Variants in PLXNA2 observed in about 807,000 individuals in gnomAD.
PLXNA2 encodes the protein plexin A2, also known as plexin-A2.
PLXNA2 carries 91 observed loss-of-function variants against 193.5 expected under a neutral mutation model. The observed-to-expected ratio is 0.47, with a 90% CI of 0.40 to 0.56. The LOEUF (loss-of-function observed/expected upper bound fraction) is 0.56, where lower values mean the gene tolerates loss of function less well. Among genes scored for constraint, PLXNA2 ranks in the 20% least tolerant of loss-of-function variants. PLXNA2 has a pLI of 0.00. For synonymous variants in PLXNA2, 997 were observed against 1,027.3 expected, an observed-to-expected ratio of 0.97 and a Z score of 0.56; for missense variants, 1,995 against 2,503.2, an observed-to-expected ratio of 0.80 and a Z score of 4.33.
chr1:208,085,084 GT>G (rs56180457), intron 9 of PLXNA2, among the ~76,000 whole-genome samples: 2,327 of 144,736 alleles, frequency 0.016, 30 homozygotes, highest in Middle Eastern at 0.025. Context: ...CACTTGCTCT[GT>G]TTTTTTTTTT....
Position 208,039,691 on chromosome 1 carries a change from A to T in PLXNA2, c.4430T>A (p.Ile1477Asn). The change falls in exon 24 of 32, where the codon ATC (isoleucine) becomes AAC (asparagine). Residue 1477 changes from isoleucine to asparagine, a missense_variant. Transcript: ENST00000367033. ...CAGGGAGTAGCGGGCCTCGCCCGTG[A>T]TGGCATCAATGGGGCCCTTCTCCAT... is the stretch of plus-strand genomic sequence containing the variant. The part of the protein sequence containing the change: ...QQMEKGPIDA[I>N]TGEARYSLSE... 6.2e-7 allele frequency: 1 copy of T among 1,614,154 alleles called. No individual in the cohort carries two copies. The highest frequency in any genetic ancestry group is 1.3e-5 in the African/African-American group (1 of 75,024).
Position 208,217,832 on chromosome 1 carries a change from G to C in PLXNA2, c.91C>G (p.Pro31Ala). 2.5e-6 allele frequency: 4 copies of C among 1,614,040 alleles called. No individual in the cohort carries two copies. The highest frequency in any genetic ancestry group is 2.5e-6 in the Non-Finnish European group (3 of 1,180,010). ...CTGAACTGAGGCATGCCGGCTGCTG[G>C]GGGGGCCAGCAGCACCCAGACCACT... ...LSVVWVLLAP[P>A]AAGMPQFSTF... Residue 31 changes from proline (P) to alanine (A), a missense_variant, in exon 2 of 32, where the codon CCA becomes GCA. Physicochemically the swap from Pro to Ala is conservative, Grantham distance 27. Transcript: ENST00000367033. This position sits in a 1 kb window ranked among gnomAD's most constrained non-coding sequence, Gnocchi z 4.7.
chr1:208,237,597 T>C lies in PLXNA2; in HGVS notation c.-81+6046A>G, dbSNP rs138892098. Among the ~76,000 whole-genome samples the C allele has an allele frequency of 3.3e-5, 5 of 152,316 alleles. No individual in the cohort carries two copies. The East Asian group carries it at 9.7e-4, about 29-fold the overall frequency. On this transcript the variant is annotated intron_variant, in intron 1 of 31. Transcript: ENST00000367033. ...GGAAAACTGGGTAGGTACGGGTAGC[T>C]GTGAGAGGCTGGAGACTGCGAGAGC...
At chr1:208,126,723 G>C (rs188934053) in intron 4 of PLXNA2, among the ~76,000 whole-genome samples, 4 of 152,246 alleles carry the variant, frequency 2.6e-5, no homozygotes, top group African/African-American at 9.6e-5. Context: ...ATGCCATCCT[G>C]CCTCCCAACA....
At chr1:208,059,809 T>A (rs1030655242) in intron 13 of PLXNA2, among the ~76,000 whole-genome samples, 1 of 152,160 alleles carries the variant, frequency 6.6e-6, no homozygotes, top group Non-Finnish European at 1.5e-5. Flanking sequence ...AAAGTGCTGA[T>A]GGAAGATAAA....
chr1:208,028,301 G>T lies in PLXNA2; in HGVS notation c.5439-142C>A. On this transcript the variant is annotated intron_variant, in intron 30 of 31. Transcript: ENST00000367033. This position sits in a 1 kb window ranked among gnomAD's most constrained non-coding sequence, Gnocchi z 4.2. ...TTCTCTTCTGATGTGGCTTCCTCTG[G>T]CCTCTTGCTTCATGCTGAGGTTGAG... 1.4e-6 allele frequency: 1 copy of T among 708,082 alleles called. No homozygotes were observed. Among genetic ancestry groups the T allele is most frequent in the Admixed American group, 3.2e-5 (1 of 31,478 alleles). The allele number at this position is 708,082 out of a possible 1,614,324, so 43.9% of individuals were successfully genotyped here.
At position 208,029,020 on chromosome 1, in the gene PLXNA2, T is replaced by G. The variant is rs765423254; in HGVS notation, c.5248A>C (p.Asn1750His). The G allele has an allele frequency of 1.9e-6, 3 of 1,614,022 alleles. No individual in the cohort carries two copies. The highest frequency in any genetic ancestry group is 2.5e-6 in the Non-Finnish European group (3 of 1,180,000). ...ACGAACTGGGGGTTCTTAATCACGT[T>G]CACCCAGAAGCGCAGAGGGAGGCTG... ...SNCLPLRFWVNVIKNPQFVFD... is the reference protein window; with the variant it reads ...SNCLPLRFWVHVIKNPQFVFD... The change falls in exon 30 of 32, where the codon AAC becomes CAC. Residue 1750 changes from asparagine (N) to histidine (H), a missense_variant. Coordinates refer to ENST00000367033, the MANE Select transcript of PLXNA2 (RefSeq NM_025179.4).
intron 1 of PLXNA2, among the ~76,000 whole-genome samples, chr1:208,219,812 G>A (rs375201348): frequency 3.9e-4 from 60 of 152,258 alleles, no homozygotes; most frequent in South Asian, 2.1e-3. Context: ...AGGCAACACC[G>A]GCATGAGACT....
intron 3 of PLXNA2, among the ~76,000 whole-genome samples, chr1:208,177,135 T>C (rs1049137401): frequency 1.3e-5 from 2 of 152,214 alleles, no homozygotes; most frequent in African/African-American, 4.8e-5. Context: ...TCTGTCTTGG[T>C]ACTATTCTAT....
chr1:208,103,434 G>C (rs573331413), intron 4 of PLXNA2, among the ~76,000 whole-genome samples, 187 bp from the exon 5 acceptor site: 1 of 152,370 alleles, frequency 6.6e-6, no homozygotes, highest in East Asian at 1.9e-4. Context: ...GCTAAGCCGA[G>C]TGTGTCTCTG....
intron 12 of PLXNA2, among the ~76,000 whole-genome samples, chr1:208,067,990 C>T (rs1041270508): frequency 6.6e-6 from 1 of 152,120 alleles, no homozygotes; most frequent in Non-Finnish European, 1.5e-5. Flanking sequence ...TCAGGGAGGC[C>T]TCCCTGGACT....
chr1:208,122,595 C>T (rs1197027577), intron 4 of PLXNA2, among the ~76,000 whole-genome samples: 1 of 152,122 alleles, frequency 6.6e-6, no homozygotes, highest in African/African-American at 2.4e-5. Context: ...TTCCATGCCC[C>T]TTTCAGCTTC....
At chr1:208,172,982 T>G (rs1669542937) in intron 3 of PLXNA2, among the ~76,000 whole-genome samples, 1 of 152,210 alleles carries the variant, frequency 6.6e-6, no homozygotes, top group Admixed American at 6.5e-5. Context: ...GTTACTGCCC[T>G]CTAGGCTGGA....
chr1:208,069,708 G>A (rs1453509394), intron 12 of PLXNA2, among the ~76,000 whole-genome samples: 1 of 152,140 alleles, frequency 6.6e-6, no homozygotes, highest in Non-Finnish European at 1.5e-5. Context: ...GGAGCTTGGT[G>A]GGAGCTTCAC....
At chr1:208,034,932 A>T (rs1298822285) in intron 26 of PLXNA2, among the ~76,000 whole-genome samples, 2 of 152,236 alleles carry the variant, frequency 1.3e-5, no homozygotes, top group African/African-American at 4.8e-5. Context: ...TATCTTATTG[A>T]TAATTTTTAA....
chr1:208,123,107 C>G (rs1667856876), intron 4 of PLXNA2, among the ~76,000 whole-genome samples: 1 of 152,172 alleles, frequency 6.6e-6, no homozygotes, highest in Non-Finnish European at 1.5e-5. Flanking sequence ...CTAGGCAACA[C>G]CAATCGACTT....
intron 3 of PLXNA2, among the ~76,000 whole-genome samples, chr1:208,162,997 G>C (rs1354865555): frequency 7.9e-5 from 12 of 152,222 alleles, no homozygotes; most frequent in Admixed American, 7.8e-4. Context: ...CTGAGGAGGT[G>C]TGATATAACT....
intron 3 of PLXNA2, among the ~76,000 whole-genome samples, chr1:208,182,390 G>A (rs1158638267): frequency 3.9e-5 from 6 of 152,072 alleles, no homozygotes; most frequent in African/African-American, 1.2e-4. Context: ...CCCAGATCGC[G>A]CCACTGCACT....
intron 3 of PLXNA2, among the ~76,000 whole-genome samples, chr1:208,169,146 A>C (rs964003170): frequency 4.0e-5 from 6 of 151,498 alleles, no homozygotes; most frequent in African/African-American, 1.5e-4. Flanking sequence ...GTAAAGGCAG[A>C]CTCCTCCCTG....
Sources: gnomAD v4.1 joint callset for allele counts (sites outside exome capture counted in the v4.1 genomes callset) on GRCh38, gnomAD v4.1.1 for gene constraint, Gnocchi (gnomAD v3.1) non-coding constraint, MANE v1.5 for transcripts, NCBI Gene and HGNC (gene_info 2026-07-23, HGNC 2026-07-21) for gene names.